Variants in CDCP2 observed in about 807,000 individuals in gnomAD.
CDCP2 encodes the protein CUB domain containing protein 2, also known as CUB domain-containing protein 2.
A neutral mutation model predicts 31.0 loss-of-function variants in CDCP2; 31 were observed. The observed-to-expected ratio is 1.00, with a 90% confidence interval of 0.75 to 1.35. The LOEUF (loss-of-function observed/expected upper bound fraction) is 1.35. Among genes scored for constraint, CDCP2 ranks in the 40% most tolerant of loss-of-function variants. The pLI, the probability that CDCP2 is intolerant of heterozygous loss-of-function variation, is 0.00. For missense variants in CDCP2, 443 were observed against 482.6 expected (o/e 0.92, Z 0.77); for synonymous variants, 206 against 207.9 (o/e 0.99, Z 0.08).
At chr1:54,146,377 A>G (rs1330628871) in intron 1 of CDCP2, among the ~76,000 whole-genome samples, 1 of 151,710 alleles carries the variant, frequency 6.6e-6, no homozygotes, top group African/African-American at 2.4e-5. Context: ...ACAGGGTTTC[A>G]CCATTTTGGG....
chr1:54,132,966 A>G (rs1659190826), downstream of CDCP2: 2 of 398,776 alleles, frequency 5.0e-6, no homozygotes, highest in African/African-American at 2.1e-5. Flanking sequence ...TATGCTGTCT[A>G]TTCAAAGCAG....
exon 2 of CDCP2, chr1:54,144,714 A>G: frequency 3.1e-6 from 5 of 1,614,216 alleles, no homozygotes; most frequent in Non-Finnish European, 3.4e-6. Flanking sequence ...GGCCACCACG[A>G]TCAGCCAGCT....
chr1:54,133,623 G>A (rs915883966), intron 5 of CDCP2, among the ~76,000 whole-genome samples: 3 of 152,192 alleles, frequency 2.0e-5, no homozygotes, highest in Non-Finnish European at 2.9e-5. Context: ...GTGGCCGGGT[G>A]CGGTGGCTCA....
At chr1:54,140,020 G>A in exon 4 of CDCP2, 3 of 1,614,008 alleles carry the variant, frequency 1.9e-6, no homozygotes, top group Non-Finnish European at 2.5e-6. Flanking sequence ...ATGGTCCAGT[G>A]GCAGCGGATG....
chr1:54,144,803 A>G (rs1659436274), exon 2 of CDCP2: 2 of 1,609,524 alleles, frequency 1.2e-6, no homozygotes, highest in Non-Finnish European at 8.5e-7. Flanking sequence ...GCACACCCCC[A>G]CATTTGACAC....
chr1:54,140,060 G>A, exon 4 of CDCP2: 1 of 1,613,686 alleles, frequency 6.2e-7, no homozygotes, highest in Non-Finnish European at 8.5e-7. Flanking sequence ...GGTACTGTGG[G>A]CTGGAGAAGT....
chr1:54,135,386 G>A (rs1038441962), intron 5 of CDCP2, among the ~76,000 whole-genome samples: 2 of 152,186 alleles, frequency 1.3e-5, no homozygotes, highest in Non-Finnish European at 2.9e-5. Context: ...TCTATGCAAA[G>A]ACTGATCCTT....
At chr1:54,139,687 G>A (rs1381326791) in intron 4 of CDCP2, 66 bp downstream of exon 4, 1 of 1,614,058 alleles carries the variant, frequency 6.2e-7, no homozygotes, top group Admixed American at 1.7e-5. Flanking sequence ...GAAGGAGACT[G>A]CAAAGACTGA....
chr1:54,140,536 C>G (rs528809872), intron 3 of CDCP2: 36 of 250,956 alleles, frequency 1.4e-4, no homozygotes, highest in Admixed American at 3.1e-4. Context: ...GGCCTTTGCA[C>G]ATGCTGTTCC....
rs569888709 is a variant in CDCP2 at position 54,152,680 on chromosome 1, ATT to A, written c.79+162_79+163del. Among the ~76,000 whole-genome samples, 3 of 152,246 alleles carry A rather than the reference ATT, an allele frequency of 2.0e-5. No homozygotes were observed. In the East Asian group the frequency reaches 5.8e-4, roughly 29 times the overall value. ...ATGCAACACACGGCAGGCACTCAAT[ATT>A]GTCTCCCCCCATCTCAGGAACAAAC... On this transcript the variant is annotated intron_variant, in intron 1 of 5. Coordinates refer to ENST00000530059, the Ensembl canonical transcript of CDCP2.
chr1:54,140,185 A>G, intron 3 of CDCP2, 79 bp from the exon 4 acceptor site: 1 of 1,397,866 alleles, frequency 7.2e-7, no homozygotes, highest in Non-Finnish European at 1.0e-6. Context: ...CAGCTTAGGC[A>G]GCAGGTGCCA....
intron 1 of CDCP2, among the ~76,000 whole-genome samples, chr1:54,145,348 C>T (rs1287648228): frequency 6.6e-6 from 1 of 152,158 alleles, no homozygotes; most frequent in Admixed American, 6.5e-5. Flanking sequence ...ATCGCTTGCA[C>T]CCGGGAGGCG....
intron 3 of CDCP2, chr1:54,140,618 C>T (rs528659065): frequency 6.5e-5 from 13 of 199,904 alleles, no homozygotes; most frequent in Middle Eastern, 2.0e-3. Flanking sequence ...CTCTTCTCCA[C>T]GAAGTCATCC....
intron 5 of CDCP2, among the ~76,000 whole-genome samples, chr1:54,135,802 G>T (rs371682233): frequency 6.6e-6 from 1 of 152,168 alleles, no homozygotes; most frequent in South Asian, 2.1e-4. Context: ...GGGGCCAGAG[G>T]CATACATGTG....
chr1:54,132,782 G>A (rs562299675), downstream of CDCP2: 44 of 396,602 alleles, frequency 1.1e-4, no homozygotes, highest in African/African-American at 6.4e-4. Context: ...ATCTCTGCCC[G>A]CCTCTGAGCC....
At chr1:54,146,189 T>C in intron 1 of CDCP2, among the ~76,000 whole-genome samples, 1 of 151,928 alleles carries the variant, frequency 6.6e-6, no homozygotes, top group Admixed American at 6.5e-5. Context: ...TAATTTTTTT[T>C]TTTTTTTTTA....
intron 4 of CDCP2, chr1:54,139,259 C>T (rs1659310878): frequency 4.2e-6 from 2 of 473,974 alleles, no homozygotes; most frequent in African/African-American, 2.0e-5. Flanking sequence ...CAGTGTTGAG[C>T]CCCTGGACCA....
intron 5 of CDCP2, 37 bp from the exon 6 acceptor site, chr1:54,133,331 G>A (rs928756518): frequency 1.3e-5 from 5 of 398,806 alleles, no homozygotes; most frequent in African/African-American, 4.1e-5. Flanking sequence ...ACCTGAAGGA[G>A]CTTGGGCTGA....
chr1:54,139,387 C>A, intron 4 of CDCP2: 1 of 689,420 alleles, frequency 1.5e-6, no homozygotes, highest in South Asian at 1.9e-5. Context: ...ACAGTTATAC[C>A]AATTTTTTTG....
Sources: gnomAD v4.1 joint callset for allele counts (sites outside exome capture counted in the v4.1 genomes callset) on GRCh38, gnomAD v4.1.1 for gene constraint, MANE v1.5 for transcripts, NCBI Gene and HGNC (gene_info 2026-07-23, HGNC 2026-07-21) for gene names.